The following TMEM51 variants were observed in gnomAD, a reference collection of about 807,000 sequenced individuals.
TMEM51 encodes chromosome 1 open reading frame 72.
Under a neutral mutation model 13.6 loss-of-function variants are expected in TMEM51, and 8 were observed. That is an observed-to-expected ratio of 0.59 (90% CI 0.35 to 1.07). The LOEUF (loss-of-function observed/expected upper bound fraction) is 1.07, where lower values mean the gene tolerates loss of function less well. Among genes scored for constraint, TMEM51 ranks in the 50% least tolerant of loss-of-function variants. TMEM51 has a pLI of 0.02. For synonymous variants in TMEM51, 147 were observed against 144.4 expected, an observed-to-expected ratio of 1.02 and a Z score of -0.13; for missense variants, 279 against 330.7, an observed-to-expected ratio of 0.84 and a Z score of 1.21.
rs1416203608 is a variant in TMEM51, at chr1:15,174,226, C to T, written c.-267+20272C>T. ...GCCTTAGACACACTTCTGTAGCCTT[C>T]GTTGATAGAATCCCATCATTTTCCT... On this transcript the variant is annotated intron_variant, in intron 1 of 3. Transcript: ENST00000376008. Among the ~76,000 whole-genome samples, 5 of 152,218 alleles carry T rather than the reference C, an allele frequency of 3.3e-5. No homozygotes were observed. The South Asian group carries it at 8.3e-4, about 25-fold the overall frequency.
At chr1:15,166,403 C>A (rs184602391) in intron 1 of TMEM51, among the ~76,000 whole-genome samples, 14 of 152,242 alleles carry the variant, frequency 9.2e-5, no homozygotes, top group African/African-American at 3.1e-4. Context: ...CCACAGCAGC[C>A]GACTCATAGG....
At chr1:15,157,828 T>G (rs1337235060) in intron 1 of TMEM51, among the ~76,000 whole-genome samples, 3 of 152,188 alleles carry the variant, frequency 2.0e-5, no homozygotes, top group African/African-American at 7.2e-5. Flanking sequence ...CGTCCACAGA[T>G]TACAAAAGAA....
chr1:15,177,919 G>A (rs1046071081), intron 1 of TMEM51, among the ~76,000 whole-genome samples: 2 of 152,284 alleles, frequency 1.3e-5, no homozygotes, highest in East Asian at 1.9e-4. Context: ...TAACCCATAC[G>A]CGCTGATGAA....
intron 1 of TMEM51, among the ~76,000 whole-genome samples, chr1:15,155,265 C>T (rs1298702062): frequency 6.6e-6 from 1 of 152,180 alleles, no homozygotes; most frequent in Non-Finnish European, 1.5e-5. Flanking sequence ...GCCCCAGTGA[C>T]CCAGAGCCCA....
At chr1:15,164,570 T>C (rs1271034626) in intron 1 of TMEM51, 1 of 433,546 alleles carries the variant, frequency 2.3e-6, no homozygotes, top group African/African-American at 2.0e-5. Context: ...AGGTGGTGTC[T>C]GCCACATTTC....
chr1:15,204,319 C>A (rs1644211012), intron 1 of TMEM51, among the ~76,000 whole-genome samples: 1 of 152,102 alleles, frequency 6.6e-6, no homozygotes, highest in Non-Finnish European at 1.5e-5. Flanking sequence ...TTTGGGAGGC[C>A]GAGGCGGACG....
chr1:15,192,360 C>T, intron 1 of TMEM51: 1 of 390,984 alleles, frequency 2.6e-6, no homozygotes. Flanking sequence ...CTCTCCAGAA[C>T]CTGCACACTA....
At chr1:15,178,177 G>T (rs1316994514) in intron 1 of TMEM51, among the ~76,000 whole-genome samples, 2 of 152,256 alleles carry the variant, frequency 1.3e-5, no homozygotes, top group Non-Finnish European at 2.9e-5. Flanking sequence ...CTGGAGTCTT[G>T]CTAGGTGAGC....
chr1:15,171,101 C>CA, intron 1 of TMEM51: 1 of 1,030,670 alleles, frequency 9.7e-7, no homozygotes, highest in Non-Finnish European at 1.3e-6. Flanking sequence ...CTCCCTCCTC[C>CA]TCCACCCCCC....
chr1:15,171,263 G>A (rs1321437190), intron 1 of TMEM51: 1 of 1,304,276 alleles, frequency 7.7e-7, no homozygotes, highest in Non-Finnish European at 1.0e-6. Context: ...TTGCAGGTCA[G>A]AGTGGATGAC....
intron 1 of TMEM51, among the ~76,000 whole-genome samples, chr1:15,188,817 C>G (rs1360274966): frequency 6.6e-6 from 1 of 152,226 alleles, no homozygotes; most frequent in Non-Finnish European, 1.5e-5. Context: ...GACCTCAACT[C>G]TCTTCCTTCC....
chr1:15,219,266 G>A lies in TMEM51; in HGVS notation c.345-60G>A. 4 of 1,510,586 alleles carry A rather than the reference G, an allele frequency of 2.6e-6. No individual in the cohort carries two copies. The Middle Eastern group carries it at 5.7e-4, about 214-fold the overall frequency. The allele number at this position is 1,510,586 out of a possible 1,614,324, so 93.6% of individuals were successfully genotyped here. A position where few individuals can be genotyped will look rare whatever the true frequency, so the allele number is the denominator to read the frequency against. ...TGGACTCTTTGGAGCCCATCCCTTT[G>A]GGATTTTGAATGACTTGAGCACAGG... On this transcript the variant is annotated intron_variant, in intron 3 of 3. Transcript: ENST00000376008.
chr1:15,156,870 C>G (rs865880957), intron 1 of TMEM51, among the ~76,000 whole-genome samples: 1 of 152,164 alleles, frequency 6.6e-6, no homozygotes. Flanking sequence ...TGGCCACATT[C>G]GGGACCAAGA....
rs7512187 is a variant in TMEM51, at chr1:15,156,462, A to C, written c.-267+2508A>C. Among the ~76,000 whole-genome samples the C allele has an allele frequency of 3.1e-3, 465 of 152,320 alleles. 4 individuals are homozygous for C. The highest frequency in any genetic ancestry group is 0.011 in the African/African-American group (438 of 41,568). ...CCAGCCCCAAATTAAGGTGGGAGTC[A>C]TGCAAAAGAGAAGCATTGTCTCCCT... On this transcript the variant is annotated intron_variant, in intron 1 of 3. Coordinates refer to ENST00000376008, the MANE Select transcript of TMEM51 (RefSeq NM_001136218.2).
rs999576457 is a variant in TMEM51, at chr1:15,213,498, A to G, written c.-193-1397A>G. Reference sequence around the variant, plus strand: ...TTTTGCAAAAGTTCCTGTCACAGGAATAATGTATGGGGGAGAGGTTTAGCA... The same window carrying G: ...TTTTGCAAAAGTTCCTGTCACAGGAGTAATGTATGGGGGAGAGGTTTAGCA... On this transcript the variant is annotated intron_variant, in intron 2 of 3. Coordinates refer to ENST00000376008, the MANE Select transcript of TMEM51 (RefSeq NM_001136218.2). Among the ~76,000 whole-genome samples, 7 of 152,326 alleles carry G rather than the reference A, an allele frequency of 4.6e-5. No homozygotes were observed. In the East Asian group the frequency reaches 7.7e-4, roughly 17 times the overall value.
chr1:15,178,213 G>A lies in TMEM51; in HGVS notation c.-267+24259G>A, dbSNP rs1643508700. 2.6e-5 allele frequency among the ~76,000 whole-genome samples: 4 copies of A among 152,306 alleles called. No homozygotes were observed. The South Asian group carries it at 8.3e-4, about 32-fold the overall frequency. On this transcript the variant is annotated intron_variant, in intron 1 of 3. Coordinates refer to ENST00000376008, the MANE Select transcript of TMEM51 (RefSeq NM_001136218.2). ...AGGGGTGGAAGAGGGATTCCCTGGG[G>A]CAGAGCCAGGAGACAGTCCTGGTGG...
chr1:15,201,453 A>C (rs114319907), intron 1 of TMEM51, among the ~76,000 whole-genome samples: 2,883 of 151,864 alleles, frequency 0.019, 92 homozygotes, highest in African/African-American at 0.066. Context: ...AGTAATAATA[A>C]GTAATAAATA....
chr1:15,161,798 G>A lies in TMEM51; in HGVS notation c.-267+7844G>A, dbSNP rs975614621. 4.6e-5 allele frequency among the ~76,000 whole-genome samples: 7 copies of A among 151,384 alleles called. 1 individual carries two copies. Among genetic ancestry groups the A allele is most frequent in the African/African-American group, 1.2e-4 (5 of 41,076 alleles). Reference sequence around the variant, plus strand: ...ACAAAAATTAGCCAGGCATGGTGGCGGGCACCTGTAGTCCCAGCTACTCAG... The same window carrying A: ...ACAAAAATTAGCCAGGCATGGTGGCAGGCACCTGTAGTCCCAGCTACTCAG... On this transcript the variant is annotated intron_variant, in intron 1 of 3. Coordinates refer to ENST00000376008, the MANE Select transcript of TMEM51 (RefSeq NM_001136218.2). The surrounding 1 kb of genome is among the most constrained non-coding windows in gnomAD (Gnocchi z 4.0).
At chr1:15,202,722 T>C (rs977449953) in intron 1 of TMEM51, among the ~76,000 whole-genome samples, 2 of 152,312 alleles carry the variant, frequency 1.3e-5, no homozygotes, top group African/African-American at 4.8e-5. Flanking sequence ...CATCTCAAGA[T>C]TCTTAACTTA....
Sources: allele counts gnomAD v4.1 joint callset (sites outside exome capture counted in the v4.1 genomes callset), GRCh38; gene constraint gnomAD v4.1.1; non-coding constraint Gnocchi (gnomAD v3.1); transcripts MANE v1.5; gene names NCBI Gene and HGNC (gene_info 2026-07-23, HGNC 2026-07-21).